The following LPCAT1 variants were observed in gnomAD, a reference collection of about 807,000 sequenced individuals.
LPCAT1 encodes the protein lysophosphatidylcholine acyltransferase 1.
A neutral mutation model predicts 60.9 loss-of-function variants in LPCAT1; 23 were observed. The observed-to-expected ratio is 0.38, with a 90% CI of 0.27 to 0.53. The LOEUF (loss-of-function observed/expected upper bound fraction) is 0.53, where lower values mean the gene tolerates loss of function less well. LPCAT1 is among the 20% of genes least tolerant of loss of function. The pLI is 0.82. For synonymous variants in LPCAT1, 340 were observed against 301.1 expected (o/e 1.13, Z -1.34); for missense variants, 622 against 723.6 (o/e 0.86, Z 1.61).
In LPCAT1 at chr5:1,516,041, A is replaced by G. The variant is rs140754925; in HGVS notation, c.135+7669T>C. 2.1e-3 allele frequency among the ~76,000 whole-genome samples: 313 copies of G among 152,352 alleles called. 11 individuals carry two copies. In the East Asian group the frequency reaches 0.055, roughly 27 times the overall value. The stretch of plus-strand genomic sequence containing the variant: ...CACTCCTCTGAGTGCAGGGAGGTAC[A>G]GAGGTGACCAGCCTGACGTGCAGCT... On this transcript the variant is annotated intron_variant, in intron 1 of 13. Transcript: ENST00000283415.
At chr5:1,486,555 C>CA (rs1735378983) in intron 5 of LPCAT1, among the ~76,000 whole-genome samples, 1 of 152,080 alleles carries the variant, frequency 6.6e-6, no homozygotes, top group Non-Finnish European at 1.5e-5. Flanking sequence ...GGTGGGCCGC[C>CA]ATGGAGCTGG....
rs1350927412 is a variant in LPCAT1, at chr5:1,496,673, A to G, written c.279-1759T>C. 6.6e-6 allele frequency among the ~76,000 whole-genome samples: 1 copy of G among 152,196 alleles called. No homozygotes were observed. The highest frequency in any genetic ancestry group is 1.5e-5 in the Non-Finnish European group (1 of 68,024). ...GCAGGGACAGACGGTGCTCAGGGGA[A>G]CTGTACTGGGTGTCGGGGCAGGGAA... On this transcript the variant is annotated intron_variant, in intron 2 of 13. Transcript: ENST00000283415. The surrounding 1 kb of genome is among the most constrained non-coding windows in gnomAD (Gnocchi z 4.7).
At chr5:1,518,688 C>G (rs918260050) in intron 1 of LPCAT1, among the ~76,000 whole-genome samples, 1 of 152,232 alleles carries the variant, frequency 6.6e-6, no homozygotes, top group East Asian at 1.9e-4. Context: ...CCGACCATGG[C>G]TGTGAACAGC....
At chr5:1,474,807 G>A in intron 9 of LPCAT1, 122 bp from the exon 10 acceptor site, 3 of 1,307,832 alleles carry the variant, frequency 2.3e-6, no homozygotes, top group Non-Finnish European at 2.1e-6. Context: ...TGAGACAGGG[G>A]AAGGGCCAGT....
rs1735734642 is a variant in LPCAT1 at position 1,495,031 on chromosome 5, C to A, written c.279-117G>T. On this transcript the variant is annotated intron_variant, in intron 2 of 13. Coordinates refer to ENST00000283415, the MANE Select transcript of LPCAT1 (RefSeq NM_024830.5). The surrounding 1 kb of genome is among the most constrained non-coding windows in gnomAD (Gnocchi z 4.7). ...AGGGCGCAGTCCAGGCCACGGGCTT[C>A]CTGTGGTCGCCGCCGCTGGGACATC... 2 of 891,888 alleles carry A rather than the reference C, an allele frequency of 2.2e-6. No individual in the cohort carries two copies. Among genetic ancestry groups the A allele is most frequent in the East Asian group, 5.4e-5 (2 of 37,266 alleles). 55.2% of individuals were successfully genotyped at this position (891,888 alleles called of 1,614,324 possible). A position where few individuals can be genotyped will look rare whatever the true frequency, so the allele number is the denominator to read the frequency against.
In LPCAT1 at chr5:1,501,499, C is replaced by A. The variant is rs772975258; in HGVS notation, c.240G>T (p.Ala80=). 3.1e-6 allele frequency: 5 copies of A among 1,613,626 alleles called. No homozygotes were observed. Among genetic ancestry groups the A allele is most frequent in the South Asian group, 1.1e-5 (1 of 91,084 alleles). ...CCGGGGGCTGCTCGGGTTCCTTCTC[C>A]GCAGAGCCCAGGGATGCGACAAGTG... The part of the protein sequence containing the change: ...PLALVASLGS[A]EKEPEQPPAL... The change falls in exon 2 of 14, where the codon GCG becomes GCT. Residue 80 remains alanine (A), a synonymous_variant. Transcript: ENST00000283415.
At position 1,479,691 on chromosome 5, in the gene LPCAT1, C is replaced by T; in HGVS notation, c.762-16G>A. The T allele has an allele frequency of 1.2e-6, 2 of 1,601,844 alleles. No individual in the cohort carries two copies. Among genetic ancestry groups the T allele is most frequent in the Non-Finnish European group, 8.6e-7 (1 of 1,169,078 alleles). ...GATTTCCAGCCTTAAAAACAGATTGCACAATGTTGAGCAGATTTACAACTC... is the reference window on the plus strand; with the variant it reads ...GATTTCCAGCCTTAAAAACAGATTGTACAATGTTGAGCAGATTTACAACTC... On this transcript the variant is annotated splice_polypyrimidine_tract_variant and intron_variant, in intron 7 of 13. Coordinates refer to ENST00000283415, the MANE Select transcript of LPCAT1 (RefSeq NM_024830.5).
chr5:1,497,960 G>A (rs1248762046), intron 2 of LPCAT1, among the ~76,000 whole-genome samples: 1 of 152,242 alleles, frequency 6.6e-6, no homozygotes, highest in East Asian at 1.9e-4. Flanking sequence ...TTTGCAAAAC[G>A]ATGCTACGGT....
At chr5:1,514,319 C>T (rs1736440495) in intron 1 of LPCAT1, among the ~76,000 whole-genome samples, 1 of 152,242 alleles carries the variant, frequency 6.6e-6, no homozygotes, top group Non-Finnish European at 1.5e-5. Context: ...CACATGCCAG[C>T]ACTGCAGCCA....
intron 8 of LPCAT1, among the ~76,000 whole-genome samples, chr5:1,478,554 C>T (rs1310337089): frequency 1.3e-5 from 2 of 152,198 alleles, no homozygotes; most frequent in Non-Finnish European, 1.5e-5. Flanking sequence ...TGCACCCTCC[C>T]GGCCACTGCC....
At position 1,495,010 on chromosome 5, in the gene LPCAT1, C is replaced by G. The variant is rs368332989; in HGVS notation, c.279-96G>C. The G allele has an allele frequency of 5.0e-6, 6 of 1,208,490 alleles. No individual in the cohort carries two copies. The African/African-American group carries it at 6.0e-5, about 12-fold the overall frequency. 74.9% of individuals were successfully genotyped at this position (1,208,490 alleles called of 1,614,324 possible). A position where few individuals can be genotyped will look rare whatever the true frequency, so the allele number is the denominator to read the frequency against. On this transcript the variant is annotated intron_variant, in intron 2 of 13. Coordinates refer to ENST00000283415, the MANE Select transcript of LPCAT1 (RefSeq NM_024830.5). This position sits in a 1 kb window ranked among gnomAD's most constrained non-coding sequence, Gnocchi z 4.7. ...GGTCCCACGGGAGAGCCCTCCAGGG[C>G]GCAGTCCAGGCCACGGGCTTCCTGT...
chr5:1,491,297 G>T (rs927122804), intron 3 of LPCAT1, among the ~76,000 whole-genome samples: 1 of 100,900 alleles, frequency 9.9e-6, no homozygotes, highest in Non-Finnish European at 2.4e-5. Context: ...TGGTCTTTCG[G>T]TGCCCACTGT....
Position 1,502,564 on chromosome 5 carries a change from G to C in LPCAT1, c.136-961C>G, listed in dbSNP as rs377223621. Among the ~76,000 whole-genome samples the C allele has an allele frequency of 1.1e-4, 17 of 152,280 alleles. 1 individual carries two copies. Among genetic ancestry groups the C allele is most frequent in the Admixed American group, 1.1e-3 (17 of 15,304 alleles). ...AGGGCAGGCCCCCACGCCAGGGAAG[G>C]CCGAGGCTGCGGGATCCCAGGCAGC... On this transcript the variant is annotated intron_variant, in intron 1 of 13. Coordinates refer to ENST00000283415, the MANE Select transcript of LPCAT1 (RefSeq NM_024830.5). The surrounding 1 kb of genome is among the most constrained non-coding windows in gnomAD (Gnocchi z 5.5).
At chr5:1,519,638 C>T (rs1045218435) in intron 1 of LPCAT1, among the ~76,000 whole-genome samples, 1 of 152,234 alleles carries the variant, frequency 6.6e-6, no homozygotes, top group African/African-American at 2.4e-5. Flanking sequence ...GGAGACGGCA[C>T]AGCAGCTGGG....
rs1018239443 is a variant in LPCAT1 at position 1,481,694 on chromosome 5, T to C, written c.727-718A>G. 6.6e-6 allele frequency among the ~76,000 whole-genome samples: 1 copy of C among 152,288 alleles called. No homozygotes were observed. Among genetic ancestry groups the C allele is most frequent in the Non-Finnish European group, 1.5e-5 (1 of 68,050 alleles). On this transcript the variant is annotated intron_variant, in intron 6 of 13. Coordinates refer to ENST00000283415, the MANE Select transcript of LPCAT1 (RefSeq NM_024830.5). The surrounding 1 kb of genome is among the most constrained non-coding windows in gnomAD (Gnocchi z 7.8). Reference sequence around the variant, plus strand: ...AGATGACTGCACAGATCGGAGTCTGTTGTCCTCGGGTTGACTTTTTTGCCC... The same window carrying C: ...AGATGACTGCACAGATCGGAGTCTGCTGTCCTCGGGTTGACTTTTTTGCCC...
At chr5:1,520,860 C>CAAA (rs59074953) in intron 1 of LPCAT1, among the ~76,000 whole-genome samples, 9 of 82,034 alleles carry the variant, frequency 1.1e-4, no homozygotes, top group Admixed American at 1.5e-4. Flanking sequence ...GAGACTGTCT[C>CAAA]AAAAAAAAAA....
At chr5:1,498,051 A>C (rs1489960798) in intron 2 of LPCAT1, among the ~76,000 whole-genome samples, 1 of 152,238 alleles carries the variant, frequency 6.6e-6, no homozygotes, top group Non-Finnish European at 1.5e-5. Flanking sequence ...TGAAAGCCTA[A>C]GATTTTTATT....
chr5:1,480,399 C>T lies in LPCAT1; in HGVS notation c.761+543G>A, dbSNP rs191727014. On this transcript the variant is annotated intron_variant, in intron 7 of 13. Transcript: ENST00000283415. This position sits in a 1 kb window ranked among gnomAD's most constrained non-coding sequence, Gnocchi z 6.4. ...TTTCCCGCTCCCTCTGCCCTCCCGA[C>T]GTCAGCTCAGACGTCAGCACCCAGG... 13 of 985,228 alleles carry T rather than the reference C, an allele frequency of 1.3e-5. No homozygotes were observed. Among genetic ancestry groups the T allele is most frequent in the Admixed American group, 1.2e-4 (2 of 16,284 alleles). The allele number at this position is 985,228 out of a possible 1,614,324, so 61.0% of individuals were successfully genotyped here. A position where few individuals can be genotyped will look rare whatever the true frequency, so the allele number is the denominator to read the frequency against.
chr5:1,518,206 G>A (rs915984391), intron 1 of LPCAT1, among the ~76,000 whole-genome samples: 19 of 152,326 alleles, frequency 1.2e-4, no homozygotes, highest in African/African-American at 3.6e-4. Flanking sequence ...GTGACTGGCT[G>A]GACGCCTTCC....
Sources: allele counts gnomAD v4.1 joint callset (sites outside exome capture counted in the v4.1 genomes callset), GRCh38; gene constraint gnomAD v4.1.1; non-coding constraint Gnocchi (gnomAD v3.1); transcripts MANE v1.5; gene names NCBI Gene and HGNC (gene_info 2026-07-23, HGNC 2026-07-21).